ADIPOR1: variants seen among roughly 807,000 people sequenced by gnomAD.
The protein encoded by ADIPOR1 is adiponectin receptor protein 1.
A neutral mutation model predicts 37.5 loss-of-function variants in ADIPOR1; 15 were observed. That is an observed-to-expected ratio of 0.40 (90% CI 0.27 to 0.62). The LOEUF (loss-of-function observed/expected upper bound fraction) is 0.62, where lower values mean the gene tolerates loss of function less well. ADIPOR1 is among the 20% of genes least tolerant of loss of function. The pLI, the probability that ADIPOR1 is intolerant of heterozygous loss-of-function variation, is 0.42. For missense variants in ADIPOR1, 286 were observed against 478.0 expected (o/e 0.60, Z 3.75); for synonymous variants, 173 against 173.2 (o/e 1.00, Z 0.01).
Position 202,951,012 on chromosome 1 carries a change from C to G in ADIPOR1, c.59G>C (p.Arg20Thr). Residue 20 changes from arginine to threonine, a missense_variant, in exon 2 of 8, where the codon AGG (arginine) becomes ACG (threonine). Coordinates refer to ENST00000340990, the MANE Select transcript of ADIPOR1 (RefSeq NM_015999.6). The stretch of plus-strand genomic sequence containing the variant: ...AGCCAGTTCCACCGTGTCAGCTTCC[C>G]TGTTACTGGCAGGAGCCCCATTCCC... ...AQGNGAPASNREADTVELAEL... is the reference protein window; with the variant it reads ...AQGNGAPASNTEADTVELAEL... 6.2e-7 allele frequency: 1 copy of G among 1,614,140 alleles called. No homozygotes were observed. The highest frequency in any genetic ancestry group is 1.1e-5 in the South Asian group (1 of 91,074).
rs1408360984 is a variant in ADIPOR1, at chr1:202,956,645, TGATA to T, written c.-95+1536_-95+1539del. On this transcript the variant is annotated intron_variant, in intron 1 of 7. Transcript: ENST00000340990. ...TGTGGAAGATTTTATGACAGGAGAT[TGATA>T]GATAGAGATGGAAACAGGGCATTCC... 6.6e-5 allele frequency among the ~76,000 whole-genome samples: 10 copies of T among 152,250 alleles called. 1 individual carries two copies. Among genetic ancestry groups the T allele is most frequent in the South Asian group, 4.2e-4 (2 of 4,812 alleles).
intron 1 of ADIPOR1, among the ~76,000 whole-genome samples, chr1:202,956,459 C>T (rs1476589439): frequency 6.6e-6 from 1 of 152,086 alleles, no homozygotes; most frequent in Admixed American, 6.5e-5. Context: ...GTGTTGTGGC[C>T]ACAGAGACAA....
chr1:202,955,281 G>C (rs1654737056), intron 1 of ADIPOR1, among the ~76,000 whole-genome samples: 1 of 151,474 alleles, frequency 6.6e-6, no homozygotes, highest in African/African-American at 2.4e-5. Context: ...GAGTGCAGTG[G>C]TGTGATCTCA....
intron 2 of ADIPOR1, among the ~76,000 whole-genome samples, chr1:202,949,938 T>C (rs575569883): frequency 1.3e-5 from 2 of 152,270 alleles, no homozygotes; most frequent in Admixed American, 6.5e-5. Flanking sequence ...CGAAGTCTTA[T>C]GAGGTACTTC....
At chr1:202,955,442 G>A (rs1654745629) in intron 1 of ADIPOR1, among the ~76,000 whole-genome samples, 1 of 151,994 alleles carries the variant, frequency 6.6e-6, no homozygotes, top group African/African-American at 2.4e-5. Context: ...CCCAGCCTTG[G>A]CATCCCAAAG....
At position 202,942,263 on chromosome 1, in the gene ADIPOR1, C is replaced by T. The variant is rs375872003; in HGVS notation, c.806-45G>A. 1.2e-5 allele frequency: 19 copies of T among 1,532,540 alleles called. No homozygotes were observed. In the East Asian group the frequency reaches 1.4e-4, roughly 11 times the overall value. The allele number at this position is 1,532,540 out of a possible 1,614,324, so 94.9% of individuals were successfully genotyped here. A position where few individuals can be genotyped will look rare whatever the true frequency, so the allele number is the denominator to read the frequency against. On this transcript the variant is annotated intron_variant, in intron 6 of 7. Transcript: ENST00000340990. ...GACTGTCAAACAAGGAAACAGCCAC[C>T]GCATGGAAGGCACTGCTGTCTTACT...
chr1:202,944,887 T>C, intron 5 of ADIPOR1, 96 bp downstream of exon 5: 3 of 1,229,260 alleles, frequency 2.4e-6, no homozygotes, highest in South Asian at 3.2e-5. Flanking sequence ...AAGAAACCTT[T>C]AGGAGTGATA....
In ADIPOR1 at chr1:202,946,598, G is replaced by A. The variant is rs1350286855; in HGVS notation, c.271C>T (p.Arg91Cys). Residue 91 changes from arginine to cysteine, a missense_variant, in exon 4 of 8, where the codon CGT becomes TGT. Transcript: ENST00000340990. The part of the protein sequence containing the change: ...EEFVYKVWEG[R>C]WRVIPYDVLP... The stretch of plus-strand genomic sequence containing the variant: ...ACATCATATGGGATGACCCTCCAAC[G>A]TCCCTCCCAGACCTAGAACATATAC... 6.8e-6 allele frequency: 11 copies of A among 1,613,914 alleles called. No homozygotes were observed. Among genetic ancestry groups the A allele is most frequent in the Admixed American group, 1.7e-5 (1 of 59,994 alleles).
At chr1:202,941,798 T>A in intron 7 of ADIPOR1, 97 bp from the exon 8 acceptor site, 2 of 1,457,854 alleles carry the variant, frequency 1.4e-6, no homozygotes, top group Non-Finnish European at 1.9e-6. Flanking sequence ...TATCCTTAAT[T>A]AAACAAATTT....
At chr1:202,947,979 A>G (rs1654400838) in intron 3 of ADIPOR1, among the ~76,000 whole-genome samples, 3 of 152,224 alleles carry the variant, frequency 2.0e-5, no homozygotes, top group East Asian at 1.9e-4. Context: ...AATAAAATAC[A>G]TTAGTGCTCA....
At chr1:202,950,183 G>A (rs766043435) in intron 2 of ADIPOR1, among the ~76,000 whole-genome samples, 3 of 151,772 alleles carry the variant, frequency 2.0e-5, no homozygotes, top group Non-Finnish European at 2.9e-5. Flanking sequence ...GGCTGGTCTC[G>A]AACTCCTGAT....
chr1:202,942,869 TTC>T (rs147455211), intron 6 of ADIPOR1, among the ~76,000 whole-genome samples: 22,739 of 116,160 alleles, frequency 0.2, 2,141 homozygotes, highest in East Asian at 0.25. Context: ...CTTTCTTTCT[TTC>T]TTTTTTTTTT....
chr1:202,947,524 T>A (rs58402552), intron 3 of ADIPOR1, among the ~76,000 whole-genome samples: 11,414 of 128,134 alleles, frequency 0.089, 601 homozygotes, highest in South Asian at 0.16. Flanking sequence ...CTCAAAAAAA[T>A]ATATATATAT....
Position 202,946,459 on chromosome 1 carries a change from T to C in ADIPOR1, c.410A>G (p.Asn137Ser). Residue 137 changes from asparagine (N) to serine (S), a missense_variant, in exon 4 of 8, where the codon AAC becomes AGC. By Grantham distance (46) the Asn-to-Ser change is conservative. Transcript: ENST00000340990. ...CTCACCAAGCAGATGGGTCCAGATGTTGCCAGTTTCTGTATGAATGCGGAA... is the reference window on the plus strand; with the variant it reads ...CTCACCAAGCAGATGGGTCCAGATGCTGCCAGTTTCTGTATGAATGCGGAA... ...SIFRIHTETG[N>S]IWTHLLGFVL... 2 of 1,614,086 alleles carry C rather than the reference T, an allele frequency of 1.2e-6. No individual in the cohort carries two copies. The highest frequency in any genetic ancestry group is 1.7e-6 in the Non-Finnish European group (2 of 1,180,018).
chr1:202,953,502 G>A (rs1654661326), intron 1 of ADIPOR1, among the ~76,000 whole-genome samples: 2 of 152,114 alleles, frequency 1.3e-5, no homozygotes, highest in South Asian at 4.2e-4. Flanking sequence ...ATGAATGAAT[G>A]GGGCAGATTC....
At chr1:202,953,386 G>C (rs1374499472) in intron 1 of ADIPOR1, among the ~76,000 whole-genome samples, 1 of 151,834 alleles carries the variant, frequency 6.6e-6, no homozygotes, top group South Asian at 2.1e-4. Context: ...AGGCTACCAG[G>C]GCAGAAACAA....
At chr1:202,941,755 A>G in intron 7 of ADIPOR1, 54 bp from the exon 8 acceptor site, 2 of 1,568,152 alleles carry the variant, frequency 1.3e-6, no homozygotes, top group Non-Finnish European at 1.7e-6. Context: ...GGAATAAGAA[A>G]CAAGTAGGAG....
intron 2 of ADIPOR1, among the ~76,000 whole-genome samples, chr1:202,949,415 CTAAAAA>C (rs1654469883): frequency 6.6e-6 from 1 of 151,424 alleles, no homozygotes. Context: ...CCTGTCTCTA[CTAAAAA>C]TACAAAAAAT....
In ADIPOR1 at chr1:202,953,876, C is replaced by T. The variant is rs558619740; in HGVS notation, c.-94-2712G>A. On this transcript the variant is annotated intron_variant, in intron 1 of 7. Coordinates refer to ENST00000340990, the MANE Select transcript of ADIPOR1 (RefSeq NM_015999.6). ...ACACTAAATTTAGTAACTTTGAGTG[C>T]TATGTAACTATTTTACTAGAGGCAA... Among the ~76,000 whole-genome samples the T allele has an allele frequency of 5.3e-5, 8 of 152,222 alleles. 2 individuals are homozygous for T. Among genetic ancestry groups the T allele is most frequent in the South Asian group, 2.1e-4 (1 of 4,808 alleles).
Sources: gnomAD v4.1 joint callset for allele counts (sites outside exome capture counted in the v4.1 genomes callset) on GRCh38, gnomAD v4.1.1 for gene constraint, MANE v1.5 for transcripts, NCBI Gene and HGNC (gene_info 2026-07-23, HGNC 2026-07-21) for gene names.